SH2B2: variants seen among roughly 807,000 people sequenced by gnomAD.
SH2B2 encodes the protein SH2B adaptor protein 2, also known as SH2B adapter protein 2.
Under a neutral mutation model 35.7 loss-of-function variants are expected in SH2B2, and 37 were observed. That is an observed-to-expected ratio of 1.04 (90% CI 0.80 to 1.36). The LOEUF (loss-of-function observed/expected upper bound fraction) is 1.36, where lower values mean the gene tolerates loss of function less well. SH2B2 is among the 40% of genes most tolerant of loss of function. The pLI is 0.00. For missense variants in SH2B2, 852 were observed against 817.7 expected, an observed-to-expected ratio of 1.04 and a Z score of -0.51; for synonymous variants, 383 against 376.4, an observed-to-expected ratio of 1.02 and a Z score of -0.20.
At position 102,321,336 on chromosome 7, in the gene SH2B2, G is replaced by A; in HGVS notation, c.1605G>A (p.Pro535=). 4 of 1,439,380 alleles carry A rather than the reference G, an allele frequency of 2.8e-6. No individual in the cohort carries two copies. Among genetic ancestry groups the A allele is most frequent in the East Asian group, 3.1e-5 (1 of 32,436 alleles). 89.2% of individuals were successfully genotyped at this position (1,439,380 alleles called of 1,614,324 possible). The stretch of plus-strand genomic sequence containing the variant: ...CGCCCCCTGCCGCGCCCGCGTCCCC[G>A]GCCTGCTGGAGCGACTCGCCCGGCC... The part of the protein sequence containing the change: ...GPTPPAAPAS[P]ACWSDSPGQH... Residue 535 remains proline (P), a synonymous_variant, in exon 9 of 9, where the codon CCG becomes CCA. Coordinates refer to ENST00000444095, the MANE Select transcript of SH2B2 (RefSeq NM_001359228.2).
intron 6 of SH2B2, among the ~76,000 whole-genome samples, chr7:102,315,506 T>G (rs1471117388): frequency 6.6e-6 from 1 of 151,576 alleles, no homozygotes; most frequent in Admixed American, 6.6e-5. Flanking sequence ...TTTTTGTATT[T>G]TTGGTAGAGA....
chr7:102,296,088 C>T (rs1792903856), intron 1 of SH2B2, among the ~76,000 whole-genome samples: 1 of 152,192 alleles, frequency 6.6e-6, no homozygotes, highest in Non-Finnish European at 1.5e-5. Context: ...GGTTTGGAAA[C>T]CTGTCCTTGA....
intron 4 of SH2B2, among the ~76,000 whole-genome samples, chr7:102,312,491 A>G (rs1000870704): frequency 6.6e-6 from 1 of 152,206 alleles, no homozygotes; most frequent in Admixed American, 6.5e-5. Context: ...TAGACTGAGC[A>G]GGGGACCCAG....
chr7:102,290,004 G>A (rs803093), intron 1 of SH2B2, among the ~76,000 whole-genome samples: 43,562 of 151,768 alleles, frequency 0.29, 6,380 homozygotes, highest in East Asian at 0.44. Context: ...CACAGGCCCT[G>A]GCTTAGCTTG....
intron 1 of SH2B2, among the ~76,000 whole-genome samples, chr7:102,295,614 A>G (rs1792878581): frequency 6.6e-6 from 1 of 152,154 alleles, no homozygotes; most frequent in African/African-American, 2.4e-5. Context: ...GAGGACAGAC[A>G]CTTGAAGTAC....
chr7:102,308,308 G>T (rs1264167172), intron 3 of SH2B2, among the ~76,000 whole-genome samples: 1 of 152,212 alleles, frequency 6.6e-6, no homozygotes, highest in East Asian at 1.9e-4. Flanking sequence ...TCTGGGCCTG[G>T]CCCCAGCAGG....
Position 102,321,670 on chromosome 7 carries a change from G to A in SH2B2, c.*40G>A, listed in dbSNP as rs973652009. 2 of 1,107,720 alleles carry A rather than the reference G, an allele frequency of 1.8e-6. No homozygotes were observed. Among genetic ancestry groups the A allele is most frequent in the South Asian group, 4.2e-5 (1 of 23,828 alleles). 68.6% of individuals were successfully genotyped at this position (1,107,720 alleles called of 1,614,324 possible). On this transcript the variant is annotated 3_prime_UTR_variant, in exon 9 of 9. Transcript: ENST00000444095. ...CGGGTGGGACACGCCAAGCTCTTCA[G>A]TGAAGACACGATGTTATTAAAAGCC...
chr7:102,286,264 G>C (rs970953451), upstream of SH2B2, among the ~76,000 whole-genome samples: 2 of 152,252 alleles, frequency 1.3e-5, no homozygotes, highest in African/African-American at 2.4e-5. Flanking sequence ...TCCCGCACCG[G>C]AGGGCTGCAG....
chr7:102,301,581 T>TGTGC (rs1554553983), intron 2 of SH2B2, among the ~76,000 whole-genome samples: 34 of 147,394 alleles, frequency 2.3e-4, no homozygotes, highest in African/African-American at 7.9e-4. Context: ...TGTGTGTGTG[T>TGTGC]GCGCGCGCGT....
intron 4 of SH2B2, among the ~76,000 whole-genome samples, chr7:102,314,104 G>A (rs1223228421): frequency 1.3e-5 from 2 of 152,140 alleles, no homozygotes; most frequent in African/African-American, 4.8e-5. Context: ...TGAGGACTTT[G>A]TTTTGCGGTA....
rs1586611574 is a variant in SH2B2 at position 102,321,286 on chromosome 7, C to T, written c.1568-13C>T. The T allele has an allele frequency of 2.9e-6, 4 of 1,369,640 alleles. No individual in the cohort carries two copies. The highest frequency in any genetic ancestry group is 3.8e-5 in the Admixed American group (1 of 26,510). 84.8% of individuals were successfully genotyped at this position (1,369,640 alleles called of 1,614,324 possible). A position where few individuals can be genotyped will look rare whatever the true frequency, so the allele number is the denominator to read the frequency against. ...CAGGTCCCCACTCACGCCCTGCCGT[C>T]GCCTTGTTGCAGAGCCGGGCCCCAC... On this transcript the variant is annotated splice_polypyrimidine_tract_variant and intron_variant, in intron 8 of 8. Transcript: ENST00000444095.
At position 102,321,474 on chromosome 7, in the gene SH2B2, C is replaced by G. The variant is rs1161284951; in HGVS notation, c.1743C>G (p.Ala581=). 164 of 1,186,634 alleles carry G rather than the reference C, an allele frequency of 1.4e-4. No homozygotes were observed. The highest frequency in any genetic ancestry group is 1.7e-4 in the Non-Finnish European group (161 of 957,014). The allele number at this position is 1,186,634 out of a possible 1,614,324, so 73.5% of individuals were successfully genotyped here. A position where few individuals can be genotyped will look rare whatever the true frequency, so the allele number is the denominator to read the frequency against. The part of the protein sequence containing the change: ...ASSSSAASGP[A]PPRPVEGQLS... ...CGTCCTCTGCCGCGTCGGGGCCCGC[C>G]CCCCCGCGCCCCGTCGAGGGCCAGC... Residue 581 remains alanine (A), a synonymous_variant, in exon 9 of 9, where the codon GCC becomes GCG. Coordinates refer to ENST00000444095, the MANE Select transcript of SH2B2 (RefSeq NM_001359228.2).
At chr7:102,301,635 G>A (rs186976924) in intron 2 of SH2B2, among the ~76,000 whole-genome samples, 4 of 151,440 alleles carry the variant, frequency 2.6e-5, no homozygotes, top group East Asian at 1.9e-4. Context: ...GCAGTGGTAC[G>A]ATCTCGGCTC....
In SH2B2 at chr7:102,320,318, C is replaced by G; in HGVS notation, c.1396-13C>G. The G allele has an allele frequency of 6.2e-7, 1 of 1,607,002 alleles. No homozygotes were observed. Among genetic ancestry groups the G allele is most frequent in the Non-Finnish European group, 8.5e-7 (1 of 1,178,672 alleles). On this transcript the variant is annotated splice_polypyrimidine_tract_variant and intron_variant, in intron 7 of 8. Transcript: ENST00000444095. ...CCGGACCTGCCCCTGACCACACCCA[C>G]CTGTACCCACAGCACCTGCGCCTGT...
At chr7:102,312,867 T>C (rs953002307) in intron 4 of SH2B2, among the ~76,000 whole-genome samples, 6 of 152,082 alleles carry the variant, frequency 3.9e-5, no homozygotes, top group African/African-American at 1.2e-4. Flanking sequence ...CGGTGGCTCA[T>C]GCCTGTAATC....
chr7:102,318,428 C>A (rs1212426089), intron 7 of SH2B2, among the ~76,000 whole-genome samples: 1 of 152,202 alleles, frequency 6.6e-6, no homozygotes, highest in Non-Finnish European at 1.5e-5. Context: ...CGTGAGCCCC[C>A]ACGCCCGGCC....
intron 7 of SH2B2, among the ~76,000 whole-genome samples, chr7:102,318,741 C>T (rs1389249360): frequency 6.6e-6 from 1 of 152,174 alleles, no homozygotes; most frequent in Non-Finnish European, 1.5e-5. Flanking sequence ...TCTCCTCCTC[C>T]AGGTTGGCCC....
At chr7:102,286,830 G>GCCGGGGCCGGGGC (rs1358566747), upstream of SH2B2, 4 of 118,984 alleles carry the variant, frequency 3.4e-5, no homozygotes, top group Non-Finnish European at 7.1e-5. Context: ...CGGGGGCGGG[G>GCCGGGGCCGGGGC]CGGGGCCGGG....
intron 3 of SH2B2, among the ~76,000 whole-genome samples, chr7:102,308,174 G>A (rs957661010): frequency 5.3e-5 from 8 of 152,240 alleles, no homozygotes; most frequent in African/African-American, 1.7e-4. Context: ...ACTGGCTGCT[G>A]TGTGACTTTG....
Sources: allele counts gnomAD v4.1 joint callset (sites outside exome capture counted in the v4.1 genomes callset), GRCh38; gene constraint gnomAD v4.1.1; transcripts MANE v1.5; gene names NCBI Gene and HGNC (gene_info 2026-07-23, HGNC 2026-07-21).